The following DST variants were observed in gnomAD, a reference collection of about 807,000 sequenced individuals.
DST encodes bullous pemphigoid antigen.
In DST, 253 loss-of-function variants were observed where a neutral mutation model predicts 875.2. That is an observed-to-expected ratio of 0.29 (90% CI 0.26 to 0.32). DST has a LOEUF of 0.32. Ranked by LOEUF, DST falls within the 10% of genes least tolerant of loss-of-function variation. The probability of loss-of-function intolerance (pLI) is 1.00; values close to 1 mark genes in which losing one functional copy is unlikely to be tolerated. For missense variants in DST, 8,287 were observed against 9,111.6 expected (o/e 0.91, Z 3.68); for synonymous variants, 3,124 against 3,197.1 (o/e 0.98, Z 0.77).
At chr6:56,495,739 A>T (rs1281544240) in intron 82 of DST, among the ~76,000 whole-genome samples, 1 of 152,100 alleles carries the variant, frequency 6.6e-6, no homozygotes, top group Non-Finnish European at 1.5e-5. Context: ...CAACAACAAA[A>T]ACCACATACA....
At chr6:56,692,134 G>A (rs1563707621) in intron 9 of DST, among the ~76,000 whole-genome samples, 1 of 152,154 alleles carries the variant, frequency 6.6e-6, no homozygotes, top group Non-Finnish European at 1.5e-5. Context: ...TTACTGTAGT[G>A]CTTTTTAAAG....
chr6:56,890,054 G>A (rs1786595619), intron 3 of DST, among the ~76,000 whole-genome samples: 1 of 152,046 alleles, frequency 6.6e-6, no homozygotes. Flanking sequence ...AGGCTGATGA[G>A]GATAAATGTC....
intron 5 of DST, among the ~76,000 whole-genome samples, chr6:56,727,241 T>C (rs1304301391): frequency 6.6e-6 from 1 of 152,236 alleles, no homozygotes; most frequent in East Asian, 1.9e-4. Context: ...CCCACCTTTC[T>C]GGACTGAACC....
At chr6:56,505,794 T>C (rs1227357268) in intron 77 of DST, among the ~76,000 whole-genome samples, 1 of 151,954 alleles carries the variant, frequency 6.6e-6, no homozygotes, top group African/African-American at 2.4e-5. Flanking sequence ...GGGAGAGAAA[T>C]ATACCCGAGT....
At chr6:56,509,151 C>T (rs187238850) in intron 74 of DST, among the ~76,000 whole-genome samples, 7 of 152,268 alleles carry the variant, frequency 4.6e-5, no homozygotes, top group Admixed American at 3.9e-4. Flanking sequence ...ATGGTATGTA[C>T]TTTGGGCTTG....
At chr6:56,727,202 C>CT (rs766727233) in intron 5 of DST, among the ~76,000 whole-genome samples, 25 of 152,196 alleles carry the variant, frequency 1.6e-4, no homozygotes, top group Non-Finnish European at 3.2e-4. Context: ...TACCTGTGAC[C>CT]TGGAAGCCAC....
At chr6:56,577,338 C>T (rs2097886964) in intron 50 of DST, among the ~76,000 whole-genome samples, 1 of 152,144 alleles carries the variant, frequency 6.6e-6, no homozygotes, top group Non-Finnish European at 1.5e-5. Flanking sequence ...GCAATGGTAT[C>T]TAATGTGGAT....
At position 56,634,854 on chromosome 6, in the gene DST, G is replaced by A. The variant is rs781627045; in HGVS notation, c.3286C>T (p.Pro1096Ser). ...TTGATCGGAATAGAAGTTTTGAGTG[G>A]ACAGTCAGAATTCCTTGGCTTCAGT... ...IQLKPRNSDC[P>S]LKTSIPIKAI... The change falls in exon 25 of 104, where the codon CCA becomes TCA. Residue 1096 changes from proline to serine, a missense_variant. Around this residue, in one of 10 missense-constraint regions of DST, gnomAD observed 1,160 missense variants for 1,424.3 expected, o/e 0.81. Coordinates refer to ENST00000680361, the MANE Select transcript of DST (RefSeq NM_001374736.1). 6.2e-7 allele frequency: 1 copy of A among 1,613,908 alleles called. No individual in the cohort carries two copies. Among genetic ancestry groups the A allele is most frequent in the Non-Finnish European group, 8.5e-7 (1 of 1,179,942 alleles).
At chr6:56,743,645 A>AAC (rs144612886) in intron 4 of DST, among the ~76,000 whole-genome samples, 16 of 151,740 alleles carry the variant, frequency 1.1e-4, no homozygotes, top group South Asian at 8.3e-4. Context: ...ACACATATAT[A>AAC]ACACACACAC....
chr6:56,628,190 G>T (rs1243231290), intron 32 of DST, 29 bp from the exon 33 acceptor site: 3 of 1,601,148 alleles, frequency 1.9e-6, no homozygotes, highest in African/African-American at 2.7e-5. Context: ...AATAGTCACG[G>T]TGTCCAGCGA....
rs1366898093 is a variant in DST at position 56,560,406 on chromosome 6, C to T, written c.14328G>A (p.Leu4776=). The T allele has an allele frequency of 9.4e-6, 15 of 1,599,870 alleles. No homozygotes were observed. Among genetic ancestry groups the T allele is most frequent in the Admixed American group, 1.7e-5 (1 of 57,982 alleles). ...CCTGTACTTTGTTTACATTCTGCTTCAGTTCTGCCTCAAACGACTAACAAG... is the reference window on the plus strand; with the variant it reads ...CCTGTACTTTGTTTACATTCTGCTTTAGTTCTGCCTCAAACGACTAACAAG... ...VEQNKSFEAE[L]KQNVNKVQEL... Residue 4776 remains leucine, a synonymous_variant, in exon 58 of 104, where the codon CTG becomes CTA. Coordinates refer to ENST00000680361, the MANE Select transcript of DST (RefSeq NM_001374736.1).
At chr6:56,753,163 A>G (rs1181427447) in intron 4 of DST, among the ~76,000 whole-genome samples, 1 of 152,184 alleles carries the variant, frequency 6.6e-6, no homozygotes, top group Non-Finnish European at 1.5e-5. Flanking sequence ...TATGGCGAGT[A>G]TAAGGTAGAA....
chr6:56,543,382 G>C (rs1437255565), intron 61 of DST, among the ~76,000 whole-genome samples: 1 of 152,142 alleles, frequency 6.6e-6, no homozygotes, highest in African/African-American at 2.4e-5. Flanking sequence ...GGGGCTCTCA[G>C]CACTGCTGAC....
chr6:56,492,109 C>T, intron 85 of DST, 118 bp downstream of exon 85: 3 of 913,780 alleles, frequency 3.3e-6, no homozygotes, highest in Non-Finnish European at 5.0e-6. Flanking sequence ...ACCATGGCAC[C>T]ATGCCATGAT....
rs779206504 is a variant in DST at position 56,608,872 on chromosome 6, T to C, written c.5756A>G (p.Asp1919Gly). 4.3e-6 allele frequency: 7 copies of C among 1,613,498 alleles called. No homozygotes were observed. Among genetic ancestry groups the C allele is most frequent in the African/African-American group, 1.3e-5 (1 of 74,916 alleles). The change falls in exon 40 of 104, where the codon GAT becomes GGT. Residue 1919 changes from aspartate to glycine, a missense_variant. Physicochemically the swap from Asp to Gly is moderately conservative, Grantham distance 94 (BLOSUM62 -1). Transcript: ENST00000680361. Reference protein sequence around the residue: ...KVLERQNMCKDLIDPCTSEKV... With the variant: ...KVLERQNMCKGLIDPCTSEKV... ...CTCAGAGGTGCAGGGGTCAATAAGA[T>C]CTTTGCACATATTTTGCCTTTCCAG...
chr6:56,766,525 C>CTTT (rs373724419), intron 4 of DST, among the ~76,000 whole-genome samples: 1 of 140,288 alleles, frequency 7.1e-6, no homozygotes, highest in Non-Finnish European at 1.6e-5. Flanking sequence ...GCTGCGGTAT[C>CTTT]TTTTTTTTTT....
chr6:56,879,157 G>A (rs1780838111), intron 3 of DST, among the ~76,000 whole-genome samples: 1 of 152,080 alleles, frequency 6.6e-6, no homozygotes, highest in Non-Finnish European at 1.5e-5. Flanking sequence ...AACTTTCTAC[G>A]TATCTTACTG....
At chr6:56,630,475 A>G in intron 30 of DST, 92 bp from the exon 31 acceptor site, 1 of 1,123,178 alleles carries the variant, frequency 8.9e-7, no homozygotes, top group Non-Finnish European at 1.3e-6. Flanking sequence ...ACATGACATA[A>G]CATGTTCTTC....
At chr6:56,595,482 C>A (rs2098358458) in intron 47 of DST, among the ~76,000 whole-genome samples, 1 of 152,068 alleles carries the variant, frequency 6.6e-6, no homozygotes, top group African/African-American at 2.4e-5. Context: ...AAGGGGGGCA[C>A]AGGGAATTTA....
Sources: gnomAD v4.1 joint callset for allele counts (sites outside exome capture counted in the v4.1 genomes callset) on GRCh38, gnomAD v4.1.1 for gene constraint, gnomAD v4.1.1 regional missense constraint, MANE v1.5 for transcripts, NCBI Gene and HGNC (gene_info 2026-07-23, HGNC 2026-07-21) for gene names.